The following ERC2 variants were observed in gnomAD, a reference collection of about 807,000 sequenced individuals.
The protein encoded by ERC2 is ERC protein 2.
A neutral mutation model predicts 114.8 loss-of-function variants in ERC2; 42 were observed. The observed-to-expected ratio is 0.37, with a 90% confidence interval of 0.29 to 0.47. The LOEUF is 0.47. ERC2 is among the 20% of genes least tolerant of loss of function. The pLI, the probability that ERC2 is intolerant of heterozygous loss-of-function variation, is 0.99. For missense variants in ERC2, 939 were observed against 1,150.7 expected (o/e 0.82, Z 2.66); for synonymous variants, 454 against 425.5 (o/e 1.07, Z -0.82).
chr3:55,746,153 T>G (rs1265318648), intron 14 of ERC2, among the ~76,000 whole-genome samples: 1 of 152,216 alleles, frequency 6.6e-6, no homozygotes, highest in Non-Finnish European at 1.5e-5. Flanking sequence ...GCCATTGCTG[T>G]GAGAAGAATA....
At chr3:56,390,422 A>C (rs1439515728) in intron 2 of ERC2, among the ~76,000 whole-genome samples, 3 of 152,186 alleles carry the variant, frequency 2.0e-5, no homozygotes, top group African/African-American at 7.2e-5. Context: ...TAAATGGTTG[A>C]GTGATGAGAA....
chr3:56,081,193 TA>T (rs35897220), intron 6 of ERC2, among the ~76,000 whole-genome samples: 10 of 150,578 alleles, frequency 6.6e-5, no homozygotes, highest in East Asian at 2.0e-4. Context: ...AGTGATACTT[TA>T]AAAAAAAAAT....
chr3:56,120,350 T>A (rs17056469), intron 6 of ERC2, among the ~76,000 whole-genome samples: 27,349 of 152,064 alleles, frequency 0.18, 3,069 homozygotes, highest in African/African-American at 0.31. Flanking sequence ...CCCATGGATT[T>A]TATGGAGATT....
chr3:56,417,826 C>T (rs2107190494), intron 2 of ERC2, among the ~76,000 whole-genome samples: 1 of 152,238 alleles, frequency 6.6e-6, no homozygotes, highest in Non-Finnish European at 1.5e-5. Context: ...ATATCAGATG[C>T]AAAGGCAAAA....
In ERC2 at chr3:56,330,837, T is replaced by G. The variant is rs73088556; in HGVS notation, c.658-34402A>C. On this transcript the variant is annotated intron_variant, in intron 2 of 17. Coordinates refer to ENST00000288221, the MANE Select transcript of ERC2 (RefSeq NM_015576.3). The stretch of plus-strand genomic sequence containing the variant: ...ATACAAATAACATTTATTGAGCCCT[T>G]ACTTTAGGCAGGCACTCTGACAAAC... Among the ~76,000 whole-genome samples, 1,388 of 152,310 alleles carry G rather than the reference T, an allele frequency of 9.1e-3. 6 individuals are homozygous for G. Among genetic ancestry groups the G allele is most frequent in the Non-Finnish European group, 0.015 (1,033 of 68,024 alleles).
intron 1 of ERC2, among the ~76,000 whole-genome samples, chr3:56,464,856 C>G (rs934706725): frequency 1.3e-5 from 2 of 150,060 alleles, no homozygotes; most frequent in African/African-American, 4.9e-5. Context: ...AAAATGTTAA[C>G]TGGTTAGAGG....
At chr3:55,652,155 A>G (rs2060651621) in intron 17 of ERC2, among the ~76,000 whole-genome samples, 2 of 152,248 alleles carry the variant, frequency 1.3e-5, no homozygotes, top group South Asian at 4.1e-4. Flanking sequence ...AAATGTAAAT[A>G]GGACACATCT....
chr3:55,852,194 T>G (rs542738335), intron 14 of ERC2, among the ~76,000 whole-genome samples: 12 of 152,198 alleles, frequency 7.9e-5, no homozygotes, highest in Non-Finnish European at 1.2e-4. Context: ...CACTCCAGCC[T>G]GGGTGACAGG....
chr3:55,541,317 G>A (rs1173985959), intron 17 of ERC2, among the ~76,000 whole-genome samples: 1 of 152,050 alleles, frequency 6.6e-6, no homozygotes, highest in Non-Finnish European at 1.5e-5. Context: ...TTACAAAGAC[G>A]CTGAAACAGC....
rs1553631525 is a variant in ERC2, at chr3:55,691,573, A to AAAT, written c.2848-7715_2848-7714insATT. 2.8e-4 allele frequency among the ~76,000 whole-genome samples: 11 copies of AAAT among 39,748 alleles called. 1 individual carries two copies. Among genetic ancestry groups the AAAT allele is most frequent in the African/African-American group, 6.5e-4 (7 of 10,748 alleles). The allele number at this position is 39,748 out of a possible 152,430, so 26.1% of individuals were successfully genotyped here. On this transcript the variant is annotated intron_variant, in intron 16 of 17. Transcript: ENST00000288221. ...AAAAAAAAAAAAAAAAAAAAAAAAAAATATATATATATATATATATATATA... is the reference window on the plus strand; with the variant it reads ...AAAAAAAAAAAAAAAAAAAAAAAAAAAATATATATATATATATATATATATATA...
intron 2 of ERC2, among the ~76,000 whole-genome samples, chr3:56,327,005 G>A (rs1408984083): frequency 6.6e-6 from 1 of 152,210 alleles, no homozygotes; most frequent in Non-Finnish European, 1.5e-5. Flanking sequence ...GTTCCATGAT[G>A]CCTGCCTGGG....
chr3:55,661,483 C>A (rs1380384277), intron 17 of ERC2, among the ~76,000 whole-genome samples: 3 of 152,182 alleles, frequency 2.0e-5, no homozygotes, highest in Admixed American at 2.0e-4. Flanking sequence ...GCCTCTTCTG[C>A]TGCCTAATCT....
chr3:55,704,632 C>T (rs183453820), intron 15 of ERC2, among the ~76,000 whole-genome samples: 1 of 152,258 alleles, frequency 6.6e-6, no homozygotes, highest in East Asian at 1.9e-4. Context: ...ATTTCCTGAC[C>T]ATCCACTAGA....
intron 2 of ERC2, among the ~76,000 whole-genome samples, chr3:56,329,849 T>G (rs892114328): frequency 5.3e-5 from 8 of 151,492 alleles, no homozygotes; most frequent in Non-Finnish European, 1.0e-4. Flanking sequence ...TTCCACTATA[T>G]GTATTTCCAC....
chr3:56,444,249 G>A (rs535434506), intron 1 of ERC2, among the ~76,000 whole-genome samples: 39 of 151,852 alleles, frequency 2.6e-4, no homozygotes, highest in African/African-American at 8.9e-4. Flanking sequence ...GGGATTACAG[G>A]CGTGAGCCAC....
chr3:55,699,129 A>G (rs2063093101), intron 16 of ERC2, among the ~76,000 whole-genome samples: 1 of 152,210 alleles, frequency 6.6e-6, no homozygotes, highest in Non-Finnish European at 1.5e-5. Context: ...CTACATATCT[A>G]TGAAAGAAGA....
chr3:56,249,926 C>T (rs566444271), intron 3 of ERC2, among the ~76,000 whole-genome samples: 6 of 128,074 alleles, frequency 4.7e-5, no homozygotes, highest in African/African-American at 1.5e-4. Context: ...GGCACAATAT[C>T]GGCTCACCAC....
chr3:55,949,875 G>T (rs2067380780), intron 13 of ERC2, among the ~76,000 whole-genome samples: 1 of 152,184 alleles, frequency 6.6e-6, no homozygotes, highest in South Asian at 2.1e-4. Flanking sequence ...AGGAAAAATT[G>T]GTGTTTCCAG....
At chr3:56,331,180 T>C (rs1033903333) in intron 2 of ERC2, among the ~76,000 whole-genome samples, 3 of 152,194 alleles carry the variant, frequency 2.0e-5, no homozygotes, top group Non-Finnish European at 2.9e-5. Context: ...AGCAAGAATC[T>C]CACAAAGTCA....
Sources: allele counts gnomAD v4.1 joint callset (sites outside exome capture counted in the v4.1 genomes callset), GRCh38; gene constraint gnomAD v4.1.1; transcripts MANE v1.5; gene names NCBI Gene and HGNC (gene_info 2026-07-23, HGNC 2026-07-21).